Variants in LYRM4 observed in about 807,000 individuals in gnomAD.
The protein encoded by LYRM4 is LYR motif containing 4.
A neutral mutation model predicts 11.7 loss-of-function variants in LYRM4; 9 were observed. That is an observed-to-expected ratio of 0.77 (90% confidence interval 0.46 to 1.34). The LOEUF (loss-of-function observed/expected upper bound fraction) is 1.34, where lower values mean the gene tolerates loss of function less well. LYRM4 is among the 40% of genes most tolerant of loss of function. The pLI, the probability that LYRM4 is intolerant of heterozygous loss-of-function variation, is 0.00. For missense variants in LYRM4, 133 were observed against 112.5 expected (o/e 1.18, Z -0.82); for synonymous variants, 42 against 40.4 (o/e 1.04, Z -0.15).
At chr6:5,238,236 G>C (rs1296978313) in intron 1 of LYRM4, among the ~76,000 whole-genome samples, 3 of 152,174 alleles carry the variant, frequency 2.0e-5, no homozygotes, top group African/African-American at 7.2e-5. Flanking sequence ...AACTATGGGA[G>C]TATAAACTAT....
chr6:5,124,274 A>G (rs1763600632), intron 2 of LYRM4, among the ~76,000 whole-genome samples: 2 of 152,098 alleles, frequency 1.3e-5, no homozygotes, highest in Admixed American at 1.3e-4. Flanking sequence ...ACACCAGAAC[A>G]TGTCCACTTT....
rs183652651 is a variant in LYRM4 at position 5,195,480 on chromosome 6, G to A, written c.207+21138C>T. On this transcript the variant is annotated intron_variant, in intron 2 of 2. Transcript: ENST00000330636. ...AAGAAACAAAAACAAAAAAAACCCC[G>A]ACAATTAGCTTGCCATGGTGGCATG... is the stretch of plus-strand genomic sequence containing the variant. 8.6e-5 allele frequency among the ~76,000 whole-genome samples: 13 copies of A among 151,708 alleles called. No homozygotes were observed. In the East Asian group the frequency reaches 1.2e-3, roughly 14 times the overall value.
chr6:5,231,057 A>G (rs1025186529), intron 1 of LYRM4, among the ~76,000 whole-genome samples: 1 of 152,216 alleles, frequency 6.6e-6, no homozygotes, highest in African/African-American at 2.4e-5. Flanking sequence ...TAGATGGATC[A>G]TTTGAGGTTA....
intron 2 of LYRM4, chr6:5,148,434 G>GA (rs1554130978): frequency 7.1e-4 from 4 of 5,658 alleles, no homozygotes; most frequent in Non-Finnish European, 2.1e-3. Flanking sequence ...GCTGTGTGGG[G>GA]AGAGTTAGAA....
chr6:5,048,514 G>T, the LYRM4 span, among the ~76,000 whole-genome samples: 2 of 152,106 alleles, frequency 1.3e-5, no homozygotes, highest in South Asian at 4.1e-4. Context: ...AGGGTTGGTT[G>T]CCCAGGCTGG....
chr6:5,039,927 G>C, the LYRM4 span, among the ~76,000 whole-genome samples: 1 of 152,046 alleles, frequency 6.6e-6, no homozygotes, highest in Non-Finnish European at 1.5e-5. Context: ...GAAAAGAACA[G>C]AGCCTAAAAA....
At chr6:5,071,540 ATATG>A in the LYRM4 span, among the ~76,000 whole-genome samples, 1 of 150,632 alleles carries the variant, frequency 6.6e-6, no homozygotes, top group African/African-American at 2.5e-5. Flanking sequence ...CTTTATATAT[ATATG>A]TGTGTGTGTG....
chr6:5,154,977 G>A (rs993921261), intron 2 of LYRM4, among the ~76,000 whole-genome samples: 1 of 152,162 alleles, frequency 6.6e-6, no homozygotes, highest in Non-Finnish European at 1.5e-5. Flanking sequence ...CTAACAGGAT[G>A]GTGGATGGGA....
At chr6:5,085,269 C>T in the LYRM4 span, 1 of 488,852 alleles carries the variant, frequency 2.0e-6, no homozygotes, top group African/African-American at 2.0e-5. Context: ...GAGCCGGCCC[C>T]AGGCCCGCAT....
the LYRM4 span, among the ~76,000 whole-genome samples, chr6:5,070,925 C>T: frequency 6.7e-6 from 1 of 148,510 alleles, no homozygotes; most frequent in South Asian, 2.1e-4. Flanking sequence ...GGTGCGGTGG[C>T]TCACACCTGT....
intron 2 of LYRM4, chr6:5,144,166 T>C (rs1757566060): frequency 1.3e-6 from 2 of 1,536,716 alleles, no homozygotes; most frequent in East Asian, 2.4e-5. Flanking sequence ...CAAACGTCTG[T>C]CAGGTGGTTT....
intron 2 of LYRM4, among the ~76,000 whole-genome samples, chr6:5,134,224 C>A (rs545429373): frequency 5.9e-5 from 9 of 152,260 alleles, no homozygotes; most frequent in Non-Finnish European, 1.3e-4. Context: ...TAATGTCTGG[C>A]CAAGGCTAAG....
chr6:5,211,487 C>G (rs1206652947), intron 2 of LYRM4, among the ~76,000 whole-genome samples: 1 of 152,212 alleles, frequency 6.6e-6, no homozygotes, highest in Non-Finnish European at 1.5e-5. Context: ...TGCTTCATCT[C>G]ACACTTACAT....
At chr6:5,079,197 G>A in the LYRM4 span, among the ~76,000 whole-genome samples, 1 of 152,204 alleles carries the variant, frequency 6.6e-6, no homozygotes, top group African/African-American at 2.4e-5. Flanking sequence ...TTGTGGAGAT[G>A]TAATAAAACA....
downstream of LYRM4, among the ~76,000 whole-genome samples, chr6:5,101,990 G>GTTTTTTTTTT (rs1762519776): frequency 3.1e-4 from 10 of 31,950 alleles, no homozygotes; most frequent in Non-Finnish European, 5.0e-4. Context: ...TTTTTGGAGA[G>GTTTTTTTTTT]TTATGTTGCC....
At chr6:5,054,188 G>C in the LYRM4 span, 3 of 787,634 alleles carry the variant, frequency 3.8e-6, no homozygotes, top group Non-Finnish European at 4.6e-6. Flanking sequence ...GGGTGGGAAA[G>C]GAAGGAAAGA....
At chr6:5,056,196 C>A in the LYRM4 span, among the ~76,000 whole-genome samples, 2 of 152,062 alleles carry the variant, frequency 1.3e-5, no homozygotes, top group African/African-American at 4.8e-5. Context: ...TAATGATTGG[C>A]TTTTTAAAAA....
chr6:5,161,234 T>C (rs1328271462), intron 2 of LYRM4, among the ~76,000 whole-genome samples: 3 of 152,180 alleles, frequency 2.0e-5, no homozygotes, highest in Non-Finnish European at 2.9e-5. Context: ...TAGAACCAGG[T>C]TGGAGGTTGT....
chr6:5,250,366 G>A (rs1348618896), intron 1 of LYRM4, among the ~76,000 whole-genome samples: 1 of 152,004 alleles, frequency 6.6e-6, no homozygotes, highest in Non-Finnish European at 1.5e-5. Context: ...TTAATATCTA[G>A]AGTAAAAAAG....
Sources: gnomAD v4.1 joint callset for allele counts (sites outside exome capture counted in the v4.1 genomes callset) on GRCh38, gnomAD v4.1.1 for gene constraint, MANE v1.5 for transcripts, NCBI Gene and HGNC (gene_info 2026-07-23, HGNC 2026-07-21) for gene names.